The following C8orf74 variants were observed in gnomAD, a reference collection of about 807,000 sequenced individuals.
C8orf74 encodes the protein chromosome 8 open reading frame 74, also known as uncharacterized protein C8orf74.
A neutral mutation model predicts 22.2 loss-of-function variants in C8orf74; 29 were observed. That is an observed-to-expected ratio of 1.31 (90% CI 0.97 to 1.78). The LOEUF (loss-of-function observed/expected upper bound fraction) is 1.78. Among genes scored for constraint, C8orf74 ranks in the 40% most tolerant of loss-of-function variants. The probability of loss-of-function intolerance (pLI) is 0.00; values close to 1 mark genes in which losing one functional copy is unlikely to be tolerated. For missense variants in C8orf74, 515 were observed against 369.9 expected (o/e 1.39, Z -3.22); for synonymous variants, 255 against 163.1 (o/e 1.56, Z -4.30).
At chr8:10,681,771 C>T (rs547662796) in intron 2 of C8orf74, among the ~76,000 whole-genome samples, 299 of 152,316 alleles carry the variant, frequency 2.0e-3, no homozygotes, top group African/African-American at 6.6e-3. Context: ...TGGCCAGGCC[C>T]GCCAATCCCA....
chr8:10,681,849 G>A (rs554083822), intron 2 of C8orf74, among the ~76,000 whole-genome samples: 15 of 152,316 alleles, frequency 9.8e-5, no homozygotes, highest in African/African-American at 2.9e-4. Flanking sequence ...AGTGCCTGGT[G>A]AAGAGCGTCA....
chr8:10,697,861 G>T lies in C8orf74; in HGVS notation c.504G>T (p.Val168=). The T allele has an allele frequency of 6.2e-7, 1 of 1,613,416 alleles. No homozygotes were observed. The highest frequency in any genetic ancestry group is 1.1e-5 in the South Asian group (1 of 91,062). ...ACTTGTGGATCCACGAGCAGCAGGT[G>T]GCCACACTGACGGAGGCCGAGGCAC... ...DRDLWIHEQQ[V]ATLTEAEAQK... The change falls in exon 3 of 4, where the codon GTG becomes GTT. Residue 168 remains valine (V), a synonymous_variant. Transcript: ENST00000304519.
At chr8:10,695,307 A>T (rs954063213) in intron 2 of C8orf74, among the ~76,000 whole-genome samples, 2 of 152,172 alleles carry the variant, frequency 1.3e-5, no homozygotes, top group African/African-American at 4.8e-5. Context: ...GAGACAGAGT[A>T]TCTCAGACCT....
At chr8:10,690,472 G>T (rs942456783) in intron 2 of C8orf74, among the ~76,000 whole-genome samples, 1 of 152,170 alleles carries the variant, frequency 6.6e-6, no homozygotes, top group Non-Finnish European at 1.5e-5. Flanking sequence ...CCTTGCTTTC[G>T]TCTGCTTCCC....
rs551173750 is a variant in C8orf74, at chr8:10,680,625, A to G, written c.241+5787A>G. Among the ~76,000 whole-genome samples, 7 of 152,336 alleles carry G rather than the reference A, an allele frequency of 4.6e-5. No individual in the cohort carries two copies. In the South Asian group the frequency reaches 1.4e-3, roughly 32 times the overall value. Reference sequence around the variant, plus strand: ...TGCAGATAGTTTCAAGGCATGGGCCAGCAGAAGGGAGGCCCAGACCACCTC... The same window carrying G: ...TGCAGATAGTTTCAAGGCATGGGCCGGCAGAAGGGAGGCCCAGACCACCTC... On this transcript the variant is annotated intron_variant, in intron 2 of 3. Transcript: ENST00000304519.
chr8:10,683,070 T>C (rs1285868272), intron 2 of C8orf74, among the ~76,000 whole-genome samples: 1 of 152,176 alleles, frequency 6.6e-6, no homozygotes, highest in Non-Finnish European at 1.5e-5. Context: ...TATCCACTCA[T>C]CCAGGGGTGC....
In C8orf74 at chr8:10,682,789, C is replaced by T. The variant is rs376126292; in HGVS notation, c.241+7951C>T. 1.6e-4 allele frequency among the ~76,000 whole-genome samples: 24 copies of T among 152,344 alleles called. No homozygotes were observed. In the South Asian group the frequency reaches 2.5e-3, roughly 16 times the overall value. ...ACAGTAAGTAGGTCAGAAATCAAGA[C>T]GGGGCCATAGAAACCTTCCCCTGCC... On this transcript the variant is annotated intron_variant, in intron 2 of 3. Transcript: ENST00000304519.
intron 2 of C8orf74, among the ~76,000 whole-genome samples, chr8:10,684,220 C>G (rs1248765947): frequency 6.6e-6 from 1 of 152,202 alleles, no homozygotes; most frequent in Non-Finnish European, 1.5e-5. Context: ...GGTTTGATAA[C>G]TTGCCAATCA....
chr8:10,674,833 C>T lies in C8orf74; in HGVS notation c.236C>T (p.Thr79Ile). 1.3e-6 allele frequency: 2 copies of T among 1,599,118 alleles called. No individual in the cohort carries two copies. Among genetic ancestry groups the T allele is most frequent in the South Asian group, 2.3e-5 (2 of 88,156 alleles). ...VKFTEELLRE[T>I]KGCSITEAVT... ...TTCACAGAAGAGCTGCTAAGGGAAA[C>T]CAAAGGTATGGTGTGTCCAGGGCAG... is the stretch of plus-strand genomic sequence containing the variant. The change falls in exon 2 of 4, where the codon ACC (threonine) becomes ATC (isoleucine). Residue 79 changes from threonine (T) to isoleucine (I), a missense_variant. Transcript: ENST00000304519.
intron 2 of C8orf74, among the ~76,000 whole-genome samples, chr8:10,686,073 A>T (rs1163986435): frequency 6.6e-6 from 1 of 152,248 alleles, no homozygotes; most frequent in Admixed American, 6.5e-5. Context: ...CATCTCAAAA[A>T]GAAAAAGAAA....
intron 2 of C8orf74, among the ~76,000 whole-genome samples, chr8:10,678,443 T>G (rs1438113439): frequency 6.6e-6 from 1 of 152,064 alleles, no homozygotes; most frequent in African/African-American, 2.4e-5. Context: ...CCTGGCATAG[T>G]CAGGGGTCAC....
chr8:10,690,856 G>T (rs1799365458), intron 2 of C8orf74: 1 of 455,692 alleles, frequency 2.2e-6, no homozygotes, highest in South Asian at 1.5e-5. Flanking sequence ...CACTCGTGCT[G>T]CATATCCTCG....
intron 2 of C8orf74, chr8:10,690,993 C>A (rs757207822): frequency 2.2e-6 from 1 of 454,524 alleles, no homozygotes; most frequent in Non-Finnish European, 4.4e-6. Flanking sequence ...CGGCAGCCAG[C>A]GGCTTCTCCC....
intron 3 of C8orf74, among the ~76,000 whole-genome samples, chr8:10,699,322 G>C (rs566770614): frequency 1.1e-4 from 17 of 152,254 alleles, no homozygotes; most frequent in African/African-American, 3.9e-4. Context: ...GGCACTCAAG[G>C]GCATAGAACA....
At chr8:10,699,848 G>A (rs1179754451) in intron 3 of C8orf74, among the ~76,000 whole-genome samples, 1 of 152,248 alleles carries the variant, frequency 6.6e-6, no homozygotes, top group Non-Finnish European at 1.5e-5. Context: ...ACTGGCCGAT[G>A]GGCCCAGAAC....
In C8orf74 at chr8:10,674,737, C is replaced by T. The variant is rs770710519; in HGVS notation, c.140C>T (p.Thr47Ile). The change falls in exon 2 of 4, where the codon ACC (threonine) becomes ATC (isoleucine). Residue 47 changes from threonine to isoleucine, a missense_variant. By Grantham distance (89) the Thr-to-Ile change is moderately conservative. Transcript: ENST00000304519. Reference sequence around the variant, plus strand: ...TCCCGGAGGAGCATCCTGCTGGACACCCTCTACGAGAGCATCATCTTTGCA... The same window carrying T: ...TCCCGGAGGAGCATCCTGCTGGACATCCTCTACGAGAGCATCATCTTTGCA... ...RDSRRSILLD[T>I]LYESIIFAVG... The T allele has an allele frequency of 1.2e-6, 2 of 1,607,468 alleles. No homozygotes were observed. The highest frequency in any genetic ancestry group is 1.3e-5 in the African/African-American group (1 of 74,768).
In C8orf74 at chr8:10,677,748, G is replaced by T. The variant is rs539682841; in HGVS notation, c.241+2910G>T. On this transcript the variant is annotated intron_variant, in intron 2 of 3. Transcript: ENST00000304519. Reference sequence around the variant, plus strand: ...ACACAGCAATCGGTGAGGTGGTCAGGGATGTACCACCTCCCCTGTGTTGGT... The same window carrying T: ...ACACAGCAATCGGTGAGGTGGTCAGTGATGTACCACCTCCCCTGTGTTGGT... Among the ~76,000 whole-genome samples, 11 of 152,186 alleles carry T rather than the reference G, an allele frequency of 7.2e-5. No individual in the cohort carries two copies. The South Asian group carries it at 2.1e-3, about 29-fold the overall frequency.
chr8:10,697,519 G>C, intron 2 of C8orf74, 80 bp from the exon 3 acceptor site: 2 of 1,235,210 alleles, frequency 1.6e-6, no homozygotes, highest in South Asian at 1.4e-5. Flanking sequence ...CCAGGCTGTC[G>C]GGGTGCAGAG....
intron 2 of C8orf74, among the ~76,000 whole-genome samples, chr8:10,686,177 T>G (rs1308961307): frequency 1.3e-5 from 2 of 152,236 alleles, no homozygotes; most frequent in Non-Finnish European, 2.9e-5. Context: ...CATATTGTAG[T>G]GCTGTATATT....
Sources: allele counts gnomAD v4.1 joint callset (sites outside exome capture counted in the v4.1 genomes callset), GRCh38; gene constraint gnomAD v4.1.1; transcripts MANE v1.5; gene names NCBI Gene and HGNC (gene_info 2026-07-23, HGNC 2026-07-21).